PCDHA7: variants seen among roughly 807,000 people sequenced by gnomAD.
PCDHA7 encodes protocadherin alpha 7.
PCDHA7 carries 37 observed loss-of-function variants against 57.2 expected under a neutral mutation model. The observed-to-expected ratio is 0.65, with a 90% CI of 0.50 to 0.85. The LOEUF (loss-of-function observed/expected upper bound fraction) is 0.85. PCDHA7 is among the 40% of genes least tolerant of loss of function. The pLI is 0.00. For missense variants in PCDHA7, 1,188 were observed against 1,241.8 expected, an observed-to-expected ratio of 0.96 and a Z score of 0.65; for synonymous variants, 553 against 558.8, an observed-to-expected ratio of 0.99 and a Z score of 0.15.
At chr5:140,935,598 G>A (rs540310470) in intron 1 of PCDHA7, among the ~76,000 whole-genome samples, 5 of 152,148 alleles carry the variant, frequency 3.3e-5, no homozygotes, top group Admixed American at 6.5e-5. Context: ...TAGATACAGA[G>A]CTAGGCTTTT....
intron 3 of PCDHA7, among the ~76,000 whole-genome samples, chr5:140,993,585 G>T (rs2097574142): frequency 6.6e-6 from 1 of 151,526 alleles, no homozygotes; most frequent in Admixed American, 6.6e-5. Flanking sequence ...GCTTTTCTTG[G>T]CTTGGCTCCA....
chr5:140,976,550 CATAA>C (rs782672542), intron 1 of PCDHA7, among the ~76,000 whole-genome samples: 4 of 151,944 alleles, frequency 2.6e-5, no homozygotes, highest in South Asian at 2.1e-4. Flanking sequence ...GACCCTATCT[CATAA>C]ATAAATAAAT....
rs2150343168 is a variant in PCDHA7, at chr5:140,842,728, G to C, written c.2355+5990G>C. 3.1e-6 allele frequency: 5 copies of C among 1,594,936 alleles called. No individual in the cohort carries two copies. In the Admixed American group the frequency reaches 6.7e-5, roughly 22 times the overall value. On this transcript the variant is annotated intron_variant, in intron 1 of 3. Coordinates refer to ENST00000525929, the MANE Select transcript of PCDHA7 (RefSeq NM_018910.3). ...CGGTGTTCGTGAAGGAGAACAACCC[G>C]CCGGGCTGCCACATCTTCACGGTGT...
At chr5:140,948,679 A>C (rs1318286539) in intron 1 of PCDHA7, among the ~76,000 whole-genome samples, 1 of 151,394 alleles carries the variant, frequency 6.6e-6, no homozygotes, top group Admixed American at 6.6e-5. Context: ...CATCTTTTTC[A>C]TTTTTGATAT....
intron 1 of PCDHA7, chr5:140,969,314 G>T (rs200006206): frequency 6.2e-7 from 1 of 1,614,150 alleles, no homozygotes; most frequent in African/African-American, 1.3e-5. Context: ...CAAAAATGAG[G>T]CTGTTTCTCA....
At chr5:140,956,717 A>C (rs2153710827) in intron 1 of PCDHA7, among the ~76,000 whole-genome samples, 1 of 152,308 alleles carries the variant, frequency 6.6e-6, no homozygotes. Flanking sequence ...CTTCAGAAGA[A>C]TTGGTACCAG....
intron 3 of PCDHA7, among the ~76,000 whole-genome samples, chr5:141,007,395 C>CAAAAAAAAAAAAAAAA (rs35800918): frequency 3.2e-5 from 3 of 94,864 alleles, no homozygotes; most frequent in Non-Finnish European, 4.1e-5. Flanking sequence ...TACTAAAATA[C>CAAAAAAAAAAAAAAAA]AAAAAAAAAA....
At chr5:140,918,313 T>C (rs1406314903) in intron 1 of PCDHA7, among the ~76,000 whole-genome samples, 3 of 152,146 alleles carry the variant, frequency 2.0e-5, no homozygotes, top group African/African-American at 7.2e-5. Context: ...GTTTTCTAGG[T>C]ATAAAATTAT....
At chr5:140,856,949 ATAAAAG>A in intron 1 of PCDHA7, 1 of 1,592,772 alleles carries the variant, frequency 6.3e-7, no homozygotes, top group Non-Finnish European at 8.6e-7. Context: ...GACGGGAGAA[ATAAAAG>A]TAAATGATGC....
intron 1 of PCDHA7, among the ~76,000 whole-genome samples, chr5:140,855,631 C>T (rs1193422916): frequency 1.3e-5 from 2 of 149,640 alleles, no homozygotes; most frequent in African/African-American, 4.9e-5. Flanking sequence ...TGAAATTCGG[C>T]TATTGATAAT....
At chr5:141,000,398 T>TAA in intron 3 of PCDHA7, among the ~76,000 whole-genome samples, 1 of 55,032 alleles carries the variant, frequency 1.8e-5, no homozygotes, top group African/African-American at 7.5e-5. Flanking sequence ...TCTCTCTCTA[T>TAA]ATATATATAT....
chr5:140,962,034 C>T (rs527918306), intron 1 of PCDHA7, among the ~76,000 whole-genome samples: 1 of 152,172 alleles, frequency 6.6e-6, no homozygotes, highest in South Asian at 2.1e-4. Context: ...CAGGCACCCA[C>T]CACCATGCCT....
intron 1 of PCDHA7, among the ~76,000 whole-genome samples, chr5:140,839,959 T>C (rs1776495243): frequency 6.6e-6 from 1 of 151,872 alleles, no homozygotes; most frequent in South Asian, 2.1e-4. Context: ...ACATATTTTC[T>C]GTAAAATATG....
At chr5:140,980,722 A>G (rs1318137295) in intron 2 of PCDHA7, among the ~76,000 whole-genome samples, 1 of 152,356 alleles carries the variant, frequency 6.6e-6, no homozygotes, top group South Asian at 2.1e-4. Context: ...TCGGGTTTCA[A>G]TTAAGATATT....
chr5:140,916,165 G>A (rs567070534), intron 1 of PCDHA7, among the ~76,000 whole-genome samples: 1 of 152,224 alleles, frequency 6.6e-6, no homozygotes, highest in East Asian at 1.9e-4. Context: ...AATGCTGCCA[G>A]GCCTGGGACT....
chr5:140,879,596 A>G (rs1324407694), intron 1 of PCDHA7, among the ~76,000 whole-genome samples: 1 of 152,240 alleles, frequency 6.6e-6, no homozygotes, highest in East Asian at 1.9e-4. Flanking sequence ...TGAAAAGTGA[A>G]AAACAATGTG....
Position 140,858,234 on chromosome 5 carries a change from C to T in PCDHA7, c.2355+21496C>T, listed in dbSNP as rs782153266. 3 of 1,596,216 alleles carry T rather than the reference C, an allele frequency of 1.9e-6. No homozygotes were observed. The highest frequency in any genetic ancestry group is 3.4e-5 in the Admixed American group (2 of 59,220). ...TGCTCGGCGGCGCCCACCGAGGGCGCATGTGGGCCGGTGAAGCCCACGCTG... is the reference window on the plus strand; with the variant it reads ...TGCTCGGCGGCGCCCACCGAGGGCGTATGTGGGCCGGTGAAGCCCACGCTG... On this transcript the variant is annotated intron_variant, in intron 1 of 3. Coordinates refer to ENST00000525929, the MANE Select transcript of PCDHA7 (RefSeq NM_018910.3).
chr5:140,855,819 C>T, intron 1 of PCDHA7: 1 of 524,234 alleles, frequency 1.9e-6, no homozygotes, highest in Non-Finnish European at 3.4e-6. Flanking sequence ...AAGTTGTGAA[C>T]TCATGGAATC....
chr5:140,869,488 A>C, intron 1 of PCDHA7: 1 of 1,614,132 alleles, frequency 6.2e-7, no homozygotes. Context: ...CATTAACGAC[A>C]ACCCGCCGGT....
Sources: gnomAD v4.1 joint callset for allele counts (sites outside exome capture counted in the v4.1 genomes callset) on GRCh38, gnomAD v4.1.1 for gene constraint, MANE v1.5 for transcripts, NCBI Gene and HGNC (gene_info 2026-07-23, HGNC 2026-07-21) for gene names.